Variants in PDE4D observed in about 807,000 individuals in gnomAD.
PDE4D encodes the protein phosphodiesterase 4D, also known as 3',5'-cyclic-AMP phosphodiesterase 4D.
PDE4D carries 24 observed loss-of-function variants against 87.4 expected under a neutral mutation model. The observed-to-expected ratio is 0.27, with a 90% confidence interval of 0.20 to 0.39. PDE4D has a LOEUF of 0.39. Among genes scored for constraint, PDE4D ranks in the 10% least tolerant of loss-of-function variants. PDE4D has a pLI of 1.00. For missense variants in PDE4D, 714 were observed against 1,041.0 expected (o/e 0.69, Z 4.32); for synonymous variants, 384 against 383.2 (o/e 1.00, Z -0.02).
chr5:59,865,234 A>G (rs1746843005), intron 1 of PDE4D, among the ~76,000 whole-genome samples: 2 of 152,230 alleles, frequency 1.3e-5, no homozygotes, highest in Admixed American at 6.5e-5. Flanking sequence ...GAATTCTTCA[A>G]TAGATTAAAC....
At chr5:59,113,283 C>G (rs1231816348) in intron 5 of PDE4D, among the ~76,000 whole-genome samples, 1 of 152,176 alleles carries the variant, frequency 6.6e-6, no homozygotes, top group Admixed American at 6.5e-5. Context: ...TTATTCCTTT[C>G]TTAAAAATTT....
At chr5:59,851,619 T>C (rs1744672035) in intron 1 of PDE4D, among the ~76,000 whole-genome samples, 1 of 152,048 alleles carries the variant, frequency 6.6e-6, no homozygotes. Context: ...TTTGAGTTAA[T>C]AAAAAGGACT....
chr5:59,054,695 A>G (rs1230180740), intron 5 of PDE4D, among the ~76,000 whole-genome samples: 2 of 152,110 alleles, frequency 1.3e-5, no homozygotes, highest in Non-Finnish European at 2.9e-5. Context: ...AGAGAATTGA[A>G]ACATAATTTA....
intron 1 of PDE4D, among the ~76,000 whole-genome samples, chr5:59,776,698 C>T (rs1021692957): frequency 6.6e-6 from 1 of 152,048 alleles, no homozygotes; most frequent in Non-Finnish European, 1.5e-5. Context: ...AATAGTGAAA[C>T]TACACAGATA....
At chr5:59,162,236 C>T (rs565311865) in intron 5 of PDE4D, among the ~76,000 whole-genome samples, 1 of 152,240 alleles carries the variant, frequency 6.6e-6, no homozygotes, top group East Asian at 1.9e-4. Context: ...AACGCTGGGG[C>T]ATATAAGCAG....
intron 1 of PDE4D, among the ~76,000 whole-genome samples, chr5:59,237,889 G>A (rs1267698393): frequency 6.6e-6 from 1 of 151,878 alleles, no homozygotes; most frequent in Non-Finnish European, 1.5e-5. Context: ...CTCATTATAT[G>A]TTTGCTTCTT....
chr5:60,350,892 C>T (rs1343777509), intron 1 of PDE4D, among the ~76,000 whole-genome samples: 3 of 152,052 alleles, frequency 2.0e-5, no homozygotes, highest in Non-Finnish European at 4.4e-5. Flanking sequence ...TTTTCAAGAG[C>T]TTCAGCTGCT....
chr5:59,311,427 G>A (rs1260128917), intron 1 of PDE4D, among the ~76,000 whole-genome samples: 2 of 136,906 alleles, frequency 1.5e-5, no homozygotes, highest in Admixed American at 1.6e-4. Flanking sequence ...CTTGAACCCA[G>A]GAAGTAGAGG....
At chr5:59,090,289 C>T (rs1474866306) in intron 5 of PDE4D, among the ~76,000 whole-genome samples, 2 of 152,090 alleles carry the variant, frequency 1.3e-5, no homozygotes, top group Non-Finnish European at 1.5e-5. Flanking sequence ...TCATGTTTCA[C>T]GCATATAAAA....
intron 2 of PDE4D, among the ~76,000 whole-genome samples, chr5:60,015,498 T>G (rs1765417493): frequency 6.6e-6 from 1 of 152,226 alleles, no homozygotes; most frequent in Non-Finnish European, 1.5e-5. Context: ...GCTGCTATGC[T>G]GTAAAGAAGC....
At chr5:59,199,890 G>A (rs182152198) in intron 2 of PDE4D, among the ~76,000 whole-genome samples, 4 of 151,398 alleles carry the variant, frequency 2.6e-5, no homozygotes, top group African/African-American at 9.7e-5. Context: ...ATATACACAT[G>A]TACATATATA....
intron 1 of PDE4D, among the ~76,000 whole-genome samples, chr5:60,443,386 T>C (rs1026717129): frequency 6.6e-5 from 10 of 152,308 alleles, no homozygotes; most frequent in Admixed American, 3.9e-4. Context: ...ATTCTAATGA[T>C]GTCTGCAAAC....
chr5:59,835,546 A>G (rs1741889603), intron 1 of PDE4D, among the ~76,000 whole-genome samples: 1 of 152,014 alleles, frequency 6.6e-6, no homozygotes, highest in South Asian at 2.1e-4. Context: ...TTCATCTTGT[A>G]TTTCATAATC....
intron 3 of PDE4D, among the ~76,000 whole-genome samples, chr5:59,975,232 T>A (rs1262699979): frequency 6.6e-6 from 1 of 152,166 alleles, no homozygotes; most frequent in Non-Finnish European, 1.5e-5. Context: ...CCTGGGTGAC[T>A]TTGATGTTGA....
intron 1 of PDE4D, among the ~76,000 whole-genome samples, chr5:60,412,365 T>C (rs991216748): frequency 3.3e-5 from 5 of 152,188 alleles, no homozygotes; most frequent in East Asian, 1.9e-4. Context: ...CCAGAAGAGA[T>C]AGAAAAACCA....
chr5:59,388,262 A>G (rs1021024785), intron 1 of PDE4D, among the ~76,000 whole-genome samples: 3 of 152,160 alleles, frequency 2.0e-5, no homozygotes, highest in Non-Finnish European at 2.9e-5. Flanking sequence ...AAAATGTTCA[A>G]CATCACTTAA....
intron 1 of PDE4D, among the ~76,000 whole-genome samples, chr5:60,189,322 A>G (rs952380090): frequency 6.6e-6 from 1 of 152,194 alleles, no homozygotes; most frequent in Admixed American, 6.5e-5. Flanking sequence ...TATCCTAGAG[A>G]TTAAAGATTT....
intron 1 of PDE4D, among the ~76,000 whole-genome samples, chr5:59,264,581 G>A (rs1299432577): frequency 6.6e-6 from 1 of 151,912 alleles, no homozygotes; most frequent in Non-Finnish European, 1.5e-5. Context: ...AAGTAATTGG[G>A]CTATCTCTTT....
chr5:59,954,208 G>A (rs1758595229), intron 3 of PDE4D, among the ~76,000 whole-genome samples: 1 of 152,228 alleles, frequency 6.6e-6, no homozygotes, highest in Admixed American at 6.5e-5. Context: ...ACAGGCATGA[G>A]CCACCACACC....
Sources: allele counts gnomAD v4.1 joint callset (sites outside exome capture counted in the v4.1 genomes callset), GRCh38; gene constraint gnomAD v4.1.1; transcripts MANE v1.5; gene names NCBI Gene and HGNC (gene_info 2026-07-23, HGNC 2026-07-21).